PRH1: variants seen among roughly 807,000 people sequenced by gnomAD.
The protein encoded by PRH1 is salivary acidic proline-rich phosphoprotein 1/2.
In PRH1, 7 loss-of-function variants were observed where a neutral mutation model predicts 7.9. The observed-to-expected ratio is 0.89, with a 90% CI of 0.50 to 1.67. The LOEUF (loss-of-function observed/expected upper bound fraction) is 1.67. Among genes scored for constraint, PRH1 ranks in the 40% most tolerant of loss-of-function variants. PRH1 has a pLI of 0.00. For synonymous variants in PRH1, 45 were observed against 80.8 expected, an observed-to-expected ratio of 0.56 and a Z score of 2.38; for missense variants, 109 against 223.6, an observed-to-expected ratio of 0.49 and a Z score of 3.27.
At chr12:10,947,538 G>A (rs1019686902) in intron 2 of PRH1, among the ~76,000 whole-genome samples, 5 of 151,884 alleles carry the variant, frequency 3.3e-5, no homozygotes, top group African/African-American at 9.7e-5. Context: ...AATTTGAGAC[G>A]GGTCTCTTGA....
rs138193670 is a variant in PRH1, at chr12:11,029,794, A to T, written c.-126+17226T>A. On this transcript the variant is annotated intron_variant, in intron 1 of 3. Transcript: ENST00000539853. Reference sequence around the variant, plus strand: ...TAAATTTACTCTGCATATGCTTCTCACTCAAATTCTACTGTGTGCATTCTT... The same window carrying T: ...TAAATTTACTCTGCATATGCTTCTCTCTCAAATTCTACTGTGTGCATTCTT... Among the ~76,000 whole-genome samples the T allele has an allele frequency of 2.8e-3, 420 of 152,028 alleles. 2 individuals carry two copies. The highest frequency in any genetic ancestry group is 9.8e-3 in the African/African-American group (405 of 41,482).
chr12:11,113,568 G>A (rs1945649660), intron 1 of PRH1, among the ~76,000 whole-genome samples: 1 of 152,018 alleles, frequency 6.6e-6, no homozygotes, highest in South Asian at 2.1e-4. Context: ...ATTAATTCAG[G>A]GTGGATTAAA....
chr12:11,097,486 GT>G lies in PRH1; in HGVS notation n.124-50299del, dbSNP rs1207656309. ...ATTTTATTTACACGAAAATTAAATT[GT>G]TTCTATCATGAGCATAGTGAAAGGA... On this transcript the variant is annotated intron_variant and non_coding_transcript_variant, in intron 1 of 4. Coordinates refer to the PRH1 transcript ENST00000541977. 2.6e-5 allele frequency among the ~76,000 whole-genome samples: 3 copies of G among 114,218 alleles called. 1 individual carries two copies. The highest frequency in any genetic ancestry group is 6.2e-5 in the Non-Finnish European group (3 of 48,190). 74.9% of individuals were successfully genotyped at this position (114,218 alleles called of 152,430 possible). A position where few individuals can be genotyped will look rare whatever the true frequency, so the allele number is the denominator to read the frequency against.
chr12:10,942,403 G>A (rs778509955), intron 2 of PRH1, among the ~76,000 whole-genome samples: 1 of 152,136 alleles, frequency 6.6e-6, no homozygotes, highest in Non-Finnish European at 1.5e-5. Flanking sequence ...TGCTAGGGGG[G>A]ATGGGGCTGA....
At chr12:11,030,510 G>T in intron 1 of PRH1, 1 of 1,614,256 alleles carries the variant, frequency 6.2e-7, no homozygotes, top group Non-Finnish European at 8.5e-7. Context: ...AGGATGAATG[G>T]GTGGATTGAA....
chr12:11,104,517 TGTCA>T (rs1945354449), intron 1 of PRH1, among the ~76,000 whole-genome samples: 1 of 152,228 alleles, frequency 6.6e-6, no homozygotes, highest in Non-Finnish European at 1.5e-5. Context: ...GTTGTAAACA[TGTCA>T]GTCTTGTTTG....
At chr12:10,967,369 G>A (rs1938557777) in intron 2 of PRH1, among the ~76,000 whole-genome samples, 1 of 152,098 alleles carries the variant, frequency 6.6e-6, no homozygotes, top group African/African-American at 2.4e-5. Flanking sequence ...ACTTAGAAAT[G>A]AGTCAAAATA....
intron 2 of PRH1, chr12:10,964,453 G>T: frequency 4.0e-6 from 1 of 247,042 alleles, no homozygotes. Flanking sequence ...CTTTTACTCA[G>T]CACTTAATCT....
chr12:10,881,057 C>T lies in PRH1; in HGVS notation c.*19-1G>A. On this transcript the variant is annotated splice_acceptor_variant, in intron 3 of 3. Coordinates refer to ENST00000543626, the MANE Select transcript of PRH1 (RefSeq NM_001393989.1). LOFTEE classifies it low-confidence loss of function (3UTR_SPLICE). Reference sequence around the variant, plus strand: ...ACACTGTTATCTTCTTATTCACTTCCTGAAAAAGACAAGCAAACAAGGAAG... The same window carrying T: ...ACACTGTTATCTTCTTATTCACTTCTTGAAAAAGACAAGCAAACAAGGAAG... The T allele has an allele frequency of 5.2e-6, 1 of 193,516 alleles. No homozygotes were observed. Among genetic ancestry groups the T allele is most frequent in the Non-Finnish European group, 1.2e-5 (1 of 83,842 alleles). 12.0% of individuals were successfully genotyped at this position (193,516 alleles called of 1,614,324 possible). A position where few individuals can be genotyped will look rare whatever the true frequency, so the allele number is the denominator to read the frequency against.
upstream of PRH1, among the ~76,000 whole-genome samples, chr12:10,884,910 CA>C (rs1436485353): frequency 2.6e-5 from 4 of 152,138 alleles, no homozygotes; most frequent in Non-Finnish European, 5.9e-5. Flanking sequence ...TGGTGCTATA[CA>C]ACACAGGCAA....
intron 2 of PRH1, among the ~76,000 whole-genome samples, chr12:10,960,856 T>A (rs1213824395): frequency 6.6e-6 from 1 of 152,142 alleles, no homozygotes; most frequent in African/African-American, 2.4e-5. Context: ...TGTCAAAACA[T>A]CCTTTTTAAA....
At chr12:10,967,498 T>C (rs950494460) in intron 2 of PRH1, among the ~76,000 whole-genome samples, 2 of 152,256 alleles carry the variant, frequency 1.3e-5, no homozygotes, top group African/African-American at 4.8e-5. Context: ...CCCCTAAATG[T>C]TTCTTCACAT....
chr12:11,121,535 T>C (rs1299091838), intron 1 of PRH1, among the ~76,000 whole-genome samples: 1 of 151,876 alleles, frequency 6.6e-6, no homozygotes. Context: ...AATTAAAAAG[T>C]GGAAGAAATC....
In PRH1 at chr12:10,904,982, C is replaced by T. The variant is rs76304363; in HGVS notation, c.-58-20707G>A. On this transcript the variant is annotated intron_variant, in intron 2 of 3. Coordinates refer to the PRH1 transcript ENST00000539853. Reference sequence around the variant, plus strand: ...TCAAAACCACAAAGAGATACCATCTCACACCAGTCAGAATAGCTACTATCA... The same window carrying T: ...TCAAAACCACAAAGAGATACCATCTTACACCAGTCAGAATAGCTACTATCA... Among the ~76,000 whole-genome samples the T allele has an allele frequency of 1.3e-4, 20 of 149,192 alleles. No individual in the cohort carries two copies. The East Asian group carries it at 3.0e-3, about 23-fold the overall frequency.
chr12:11,151,469 G>C (rs997222310), intron 1 of PRH1, among the ~76,000 whole-genome samples: 1 of 152,182 alleles, frequency 6.6e-6, no homozygotes, highest in African/African-American at 2.4e-5. Flanking sequence ...CCCTTGGATA[G>C]AGACAGAAAT....
chr12:11,167,931 A>C (rs35640300), intron 1 of PRH1, among the ~76,000 whole-genome samples: 1 of 46,584 alleles, frequency 2.1e-5, no homozygotes, highest in Non-Finnish European at 6.5e-5. Flanking sequence ...GCATGGTTTA[A>C]AAAATGTCTC....
In PRH1 at chr12:11,168,271, AG is replaced by A. The variant is rs1565725454; in HGVS notation, n.39+3150del. 9.9e-3 allele frequency among the ~76,000 whole-genome samples: 326 copies of A among 33,068 alleles called. 77 individuals are homozygous for A. The highest frequency in any genetic ancestry group is 0.033 in the East Asian group (26 of 798). The allele number at this position is 33,068 out of a possible 152,430, so 21.7% of individuals were successfully genotyped here. On this transcript the variant is annotated intron_variant and non_coding_transcript_variant, in intron 1 of 1. Transcript: ENST00000541175. ...AAGAAAGAAAGAAAGAAAGAAAGAA[AG>A]AAAGAAAGAAAGAAAGAAAGAAAGA...
chr12:10,918,812 A>G (rs1475236684), intron 2 of PRH1, among the ~76,000 whole-genome samples: 2 of 152,218 alleles, frequency 1.3e-5, no homozygotes, highest in African/African-American at 4.8e-5. Flanking sequence ...AATTTTTTAT[A>G]TATGATAATC....
intron 2 of PRH1, among the ~76,000 whole-genome samples, chr12:10,914,727 G>GA (rs1373837779): frequency 1.3e-5 from 2 of 152,082 alleles, no homozygotes; most frequent in Non-Finnish European, 2.9e-5. Flanking sequence ...TTGCAAGCAG[G>GA]AAAAAAATAT....
Sources: gnomAD v4.1 joint callset for allele counts (sites outside exome capture counted in the v4.1 genomes callset) on GRCh38, gnomAD v4.1.1 for gene constraint, MANE v1.5 for transcripts, NCBI Gene and HGNC (gene_info 2026-07-23, HGNC 2026-07-21) for gene names.